The following MED13 variants were observed in gnomAD, a reference collection of about 807,000 sequenced individuals.
MED13 encodes mediator complex subunit 13.
Under a neutral mutation model 225.2 loss-of-function variants are expected in MED13, and 23 were observed. That is an observed-to-expected ratio of 0.10 (90% CI 0.07 to 0.14). The LOEUF (loss-of-function observed/expected upper bound fraction) is 0.14. Among genes scored for constraint, MED13 ranks in the 10% least tolerant of loss-of-function variants. The pLI is 1.00. For missense variants in MED13, 2,197 were observed against 2,594.5 expected (o/e 0.85, Z 3.33); for synonymous variants, 942 against 889.2 (o/e 1.06, Z -1.06).
chr17:61,974,676 C>T (rs1289675406), intron 16 of MED13, among the ~76,000 whole-genome samples: 1 of 151,994 alleles, frequency 6.6e-6, no homozygotes, highest in Non-Finnish European at 1.5e-5. Flanking sequence ...ACCAAGACAA[C>T]TTAAAGATAA....
At chr17:61,996,190 AC>A (rs1318754522) in intron 9 of MED13, among the ~76,000 whole-genome samples, 1 of 152,206 alleles carries the variant, frequency 6.6e-6, no homozygotes, top group African/African-American at 2.4e-5. Context: ...GCTGATCTAT[AC>A]CAAAGAACCC....
intron 9 of MED13, among the ~76,000 whole-genome samples, chr17:61,996,564 T>C (rs1286292577): frequency 6.6e-6 from 1 of 152,170 alleles, no homozygotes; most frequent in Non-Finnish European, 1.5e-5. Flanking sequence ...TCCAGACCCA[T>C]TCCTGGCTAT....
chr17:62,029,493 G>C, intron 8 of MED13, 48 bp downstream of exon 8: 1 of 1,405,182 alleles, frequency 7.1e-7, no homozygotes, highest in Non-Finnish European at 1.0e-6. Context: ...ATTCAGTGGC[G>C]TAACAAACTA....
chr17:62,027,346 A>G (rs574675705), intron 8 of MED13, among the ~76,000 whole-genome samples: 1 of 152,224 alleles, frequency 6.6e-6, no homozygotes, highest in Non-Finnish European at 1.5e-5. Context: ...AGGACTCCCT[A>G]TTCAATAAAT....
At chr17:61,971,874 C>T (rs889936055) in intron 17 of MED13, among the ~76,000 whole-genome samples, 2 of 151,990 alleles carry the variant, frequency 1.3e-5, no homozygotes, top group Non-Finnish European at 1.5e-5. Flanking sequence ...GCGGAGGTTA[C>T]GGTGAGCCAA....
chr17:61,958,269 G>A (rs2079966890), intron 23 of MED13, among the ~76,000 whole-genome samples: 1 of 152,168 alleles, frequency 6.6e-6, no homozygotes, highest in South Asian at 2.1e-4. Context: ...CTGGGTTCAA[G>A]CTATTCTCCC....
chr17:61,971,773 A>C (rs1376953673), intron 17 of MED13, among the ~76,000 whole-genome samples: 1 of 152,118 alleles, frequency 6.6e-6, no homozygotes, highest in Admixed American at 6.5e-5. Context: ...GTCTCTACTA[A>C]AAGTAAAAAA....
In MED13 at chr17:61,965,111, T is replaced by C; in HGVS notation, c.4739A>G (p.Gln1580Arg). ...GSMSTQANTVQSGQLGGQQTS... is the reference protein window; with the variant it reads ...GSMSTQANTVRSGQLGGQQTS... ...CTGTTGCCCTCCTAGCTGACCACTC[T>C]GAACTGTATTTGCTTGTGTAGACAT... Residue 1580 changes from glutamine (Q) to arginine (R), a missense_variant, in exon 20 of 30, where the codon CAG becomes CGG. This residue lies in a region of MED13 where 457 missense variants were observed against 442.2 expected (regional missense o/e 1.03). Transcript: ENST00000397786. The C allele has an allele frequency of 1.2e-6, 2 of 1,614,224 alleles. No individual in the cohort carries two copies. The highest frequency in any genetic ancestry group is 1.7e-6 in the Non-Finnish European group (2 of 1,180,026).
chr17:62,050,830 C>A (rs1241607151), intron 3 of MED13, among the ~76,000 whole-genome samples: 3 of 152,010 alleles, frequency 2.0e-5, no homozygotes, highest in African/African-American at 7.2e-5. Context: ...ATGGCAAAAC[C>A]CCGTTTCTAC....
intron 16 of MED13, among the ~76,000 whole-genome samples, chr17:61,979,764 C>T (rs1195066910): frequency 5.3e-5 from 8 of 152,196 alleles, no homozygotes; most frequent in Admixed American, 5.2e-4. Flanking sequence ...CTTTTGTGAA[C>T]CCACTCCAAT....
At position 62,029,629 on chromosome 17, in the gene MED13, CTGA is replaced by C; in HGVS notation, c.1192_1194del (p.Ser398del). 1.2e-6 allele frequency: 2 copies of C among 1,613,688 alleles called. No homozygotes were observed. Among genetic ancestry groups the C allele is most frequent in the Non-Finnish European group, 1.7e-6 (2 of 1,179,806 alleles). On this transcript the variant is annotated inframe_deletion, in exon 8 of 30. Transcript: ENST00000397786. Reference sequence around the variant, plus strand: ...GCTGTCGCTTCTTCGCATAGACCACCTGATGAAGCAGAATACTTCCTCCTAAGA... The same window carrying C: ...GCTGTCGCTTCTTCGCATAGACCACCTGAAGCAGAATACTTCCTCCTAAGA...
intron 9 of MED13, among the ~76,000 whole-genome samples, chr17:62,008,015 T>TAAAAA (rs2080468431): frequency 2.3e-5 from 1 of 44,252 alleles, no homozygotes; most frequent in African/African-American, 1.5e-4. Context: ...CGAGACTGTC[T>TAAAAA]CAAAAAAAAA....
At chr17:62,028,995 A>AT (rs199725538) in intron 8 of MED13, among the ~76,000 whole-genome samples, 3 of 150,990 alleles carry the variant, frequency 2.0e-5, no homozygotes, top group Non-Finnish European at 3.0e-5. Context: ...CTCTCTACGA[A>AT]TTTTTTTTTC....
At chr17:61,968,902 C>T (rs1375928011) in intron 17 of MED13, among the ~76,000 whole-genome samples, 3 of 152,130 alleles carry the variant, frequency 2.0e-5, no homozygotes, top group Admixed American at 6.6e-5. Context: ...CAGGTGTGTG[C>T]CACTATGCTT....
Position 61,987,134 on chromosome 17 carries a change from A to G in MED13, c.2264-6T>C, listed in dbSNP as rs2080254387. 13 of 1,582,752 alleles carry G rather than the reference A, an allele frequency of 8.2e-6. No homozygotes were observed. In the East Asian group the frequency reaches 3.0e-4, roughly 36 times the overall value. ...ACTAGTAGGGCGTGGAGCATCTACA[A>G]AAGTCAATCAGAAAAATAAAATTAA... On this transcript the variant is annotated splice_polypyrimidine_tract_variant and splice_region_variant and intron_variant, in intron 11 of 29. Transcript: ENST00000397786.
intron 8 of MED13, among the ~76,000 whole-genome samples, chr17:62,016,752 T>C (rs936613637): frequency 2.0e-5 from 3 of 152,206 alleles, no homozygotes; most frequent in Non-Finnish European, 4.4e-5. Flanking sequence ...CTCATGCCTG[T>C]AATCCCAGCA....
intron 8 of MED13, among the ~76,000 whole-genome samples, chr17:62,023,562 C>T (rs2080670123): frequency 2.0e-5 from 3 of 152,194 alleles, no homozygotes; most frequent in African/African-American, 7.2e-5. Context: ...AAGACCCTGG[C>T]TTCTTCCCTC....
At chr17:62,044,604 T>C (rs978510343) in intron 3 of MED13, among the ~76,000 whole-genome samples, 8 of 152,268 alleles carry the variant, frequency 5.3e-5, no homozygotes, top group Admixed American at 3.9e-4. Flanking sequence ...TGTACATGTC[T>C]ATATGTATAC....
chr17:61,954,074 T>C (rs1227341321), intron 26 of MED13, among the ~76,000 whole-genome samples: 2 of 152,234 alleles, frequency 1.3e-5, no homozygotes, highest in Non-Finnish European at 2.9e-5. Context: ...CAAACTATCT[T>C]ATTGTACTGT....
Sources: gnomAD v4.1 joint callset for allele counts (sites outside exome capture counted in the v4.1 genomes callset) on GRCh38, gnomAD v4.1.1 for gene constraint, gnomAD v4.1.1 regional missense constraint, MANE v1.5 for transcripts, NCBI Gene and HGNC (gene_info 2026-07-23, HGNC 2026-07-21) for gene names.